SOS2: variants seen among roughly 807,000 people sequenced by gnomAD.
The protein encoded by SOS2 is SOS Ras/Rho guanine nucleotide exchange factor 2.
Under a neutral mutation model 148.2 loss-of-function variants are expected in SOS2, and 65 were observed. The ratio of observed to expected loss-of-function variants is 0.44; its 90% CI spans 0.36 to 0.54. The LOEUF (loss-of-function observed/expected upper bound fraction) is 0.54, where lower values mean the gene tolerates loss of function less well. SOS2 is among the 20% of genes least tolerant of loss of function. SOS2 has a pLI of 0.00. For synonymous variants in SOS2, 539 were observed against 537.1 expected (o/e 1.00, Z -0.05); for missense variants, 1,341 against 1,590.2 (o/e 0.84, Z 2.67).
intron 8 of SOS2, among the ~76,000 whole-genome samples, chr14:50,163,461 C>T (rs1444584136): frequency 6.6e-6 from 1 of 151,980 alleles, no homozygotes; most frequent in African/African-American, 2.4e-5. Flanking sequence ...AAGCACAGAG[C>T]CATTTGATTT....
chr14:50,181,435 G>A (rs535204680), intron 6 of SOS2, among the ~76,000 whole-genome samples: 1 of 106,716 alleles, frequency 9.4e-6, no homozygotes, highest in East Asian at 2.7e-4. Context: ...GTGACAGAGG[G>A]AGACTCCATG....
At chr14:50,189,074 C>CAT (rs1886022692) in intron 4 of SOS2, among the ~76,000 whole-genome samples, 1 of 149,230 alleles carries the variant, frequency 6.7e-6, no homozygotes, top group Non-Finnish European at 1.5e-5. Flanking sequence ...CACACACACA[C>CAT]ACACACACAC....
chr14:50,171,094 A>G (rs1486964006), intron 8 of SOS2, among the ~76,000 whole-genome samples: 5 of 151,030 alleles, frequency 3.3e-5, no homozygotes, highest in Non-Finnish European at 5.9e-5. Flanking sequence ...AGCCAGGGCA[A>G]CAAGAGTGAA....
chr14:50,122,831 A>G (rs1242921270), intron 21 of SOS2, among the ~76,000 whole-genome samples: 1 of 152,166 alleles, frequency 6.6e-6, no homozygotes, highest in Non-Finnish European at 1.5e-5. Flanking sequence ...TTTACTAAAC[A>G]ATTTCTGTAA....
intron 1 of SOS2, among the ~76,000 whole-genome samples, chr14:50,208,308 T>TA (rs1473320022): frequency 3.3e-5 from 5 of 150,640 alleles, no homozygotes; most frequent in South Asian, 2.1e-4. Flanking sequence ...AACAAACAAA[T>TA]AAAAAATCTC....
chr14:50,175,303 T>C (rs957871101), intron 7 of SOS2, among the ~76,000 whole-genome samples: 3 of 151,962 alleles, frequency 2.0e-5, no homozygotes, highest in African/African-American at 4.8e-5. Context: ...CTTAGACAGA[T>C]AGATATGACA....
chr14:50,222,865 A>G (rs1208705456), intron 1 of SOS2, among the ~76,000 whole-genome samples: 2 of 152,182 alleles, frequency 1.3e-5, no homozygotes, highest in African/African-American at 4.8e-5. Flanking sequence ...AAGGAGTGAA[A>G]TGATCTCACT....
intron 5 of SOS2, 88 bp from the exon 6 acceptor site, chr14:50,182,694 G>A (rs1245342323): frequency 2.2e-5 from 22 of 993,716 alleles, no homozygotes; most frequent in East Asian, 1.8e-4. Context: ...TAGGCTACTC[G>A]AGGCAGACTG....
chr14:50,178,592 C>CCTGCCT (rs1885603474), intron 7 of SOS2, among the ~76,000 whole-genome samples: 1 of 150,294 alleles, frequency 6.7e-6, no homozygotes, highest in Admixed American at 6.7e-5. Context: ...AAGTGATCCT[C>CCTGCCT]CTGCCTCTGC....
chr14:50,196,933 T>C (rs1161852792), intron 4 of SOS2, among the ~76,000 whole-genome samples: 1 of 152,098 alleles, frequency 6.6e-6, no homozygotes, highest in East Asian at 1.9e-4. Flanking sequence ...AGTGGCGTGA[T>C]CTCGATTCCA....
chr14:50,173,628 A>T, intron 8 of SOS2, among the ~76,000 whole-genome samples: 1 of 151,928 alleles, frequency 6.6e-6, no homozygotes, highest in Non-Finnish European at 1.5e-5. Flanking sequence ...TCACCATGTT[A>T]GCCAGGATGG....
At chr14:50,138,938 T>C (rs1268077446) in intron 17 of SOS2, among the ~76,000 whole-genome samples, 154 bp from the exon 18 acceptor site, 1 of 152,060 alleles carries the variant, frequency 6.6e-6, no homozygotes, top group Non-Finnish European at 1.5e-5. Flanking sequence ...TGATAAACAA[T>C]CATTAACTCT....
intron 5 of SOS2, among the ~76,000 whole-genome samples, chr14:50,187,471 C>T (rs558457431): frequency 2.4e-4 from 37 of 151,782 alleles, no homozygotes; most frequent in Middle Eastern, 6.8e-3. Context: ...CCTCAGCCTC[C>T]GGAGTAGCTG....
intron 1 of SOS2, among the ~76,000 whole-genome samples, chr14:50,209,347 A>C (rs1886787637): frequency 7.3e-6 from 1 of 137,748 alleles, no homozygotes. Context: ...GCTTCTCTGA[A>C]GAATCCATGC....
At chr14:50,166,049 G>A (rs773691672) in intron 8 of SOS2, among the ~76,000 whole-genome samples, 1 of 152,108 alleles carries the variant, frequency 6.6e-6, no homozygotes, top group Admixed American at 6.6e-5. Flanking sequence ...GTCTAAATCT[G>A]ATGACCACTG....
In SOS2 at chr14:50,199,736, A is replaced by G; in HGVS notation, c.465T>C (p.Tyr155=). Residue 155 remains tyrosine, a synonymous_variant, in exon 4 of 23, where the codon TAT becomes TAC. Transcript: ENST00000216373. ...AGNYVFNIRH[Y]EISQQDIKVS... Reference sequence around the variant, plus strand: ...CTTTAATGTCCTGCTGAGATATTTCATAATGCCGGATATTAAAAACATAAT... The same window carrying G: ...CTTTAATGTCCTGCTGAGATATTTCGTAATGCCGGATATTAAAAACATAAT... The G allele has an allele frequency of 6.2e-7, 1 of 1,609,922 alleles. No individual in the cohort carries two copies. Among genetic ancestry groups the G allele is most frequent in the South Asian group, 1.1e-5 (1 of 90,686 alleles).
intron 1 of SOS2, among the ~76,000 whole-genome samples, chr14:50,221,556 A>G (rs939132225): frequency 1.1e-4 from 16 of 152,220 alleles, no homozygotes; most frequent in African/African-American, 3.4e-4. Flanking sequence ...GACACTAAAC[A>G]AAGAGATAAT....
At chr14:50,148,546 GA>G (rs751169570) in intron 14 of SOS2, among the ~76,000 whole-genome samples, 1 of 152,010 alleles carries the variant, frequency 6.6e-6, no homozygotes, top group Non-Finnish European at 1.5e-5. Flanking sequence ...TACATTGTGA[GA>G]AAAAACATGA....
At chr14:50,186,651 CAAGTA>C (rs1885921995) in intron 5 of SOS2, among the ~76,000 whole-genome samples, 1 of 150,250 alleles carries the variant, frequency 6.7e-6, no homozygotes, top group African/African-American at 2.4e-5. Context: ...AATCTCCTTA[CAAGTA>C]AAGTAGAGAT....
Sources: gnomAD v4.1 joint callset for allele counts (sites outside exome capture counted in the v4.1 genomes callset) on GRCh38, gnomAD v4.1.1 for gene constraint, MANE v1.5 for transcripts, NCBI Gene and HGNC (gene_info 2026-07-23, HGNC 2026-07-21) for gene names.